TRPM3: variants seen among roughly 807,000 people sequenced by gnomAD.
TRPM3 encodes the protein transient receptor potential cation channel subfamily M member 3, also known as long transient receptor potential channel 3.
In TRPM3, 77 loss-of-function variants were observed where a neutral mutation model predicts 181.2. The ratio of observed to expected loss-of-function variants is 0.42; its 90% CI spans 0.35 to 0.51. TRPM3 has a LOEUF of 0.51. Ranked by LOEUF, TRPM3 falls within the 20% of genes least tolerant of loss-of-function variation. The pLI is 0.01. For missense variants in TRPM3, 1,759 were observed against 2,196.7 expected (o/e 0.80, Z 3.98); for synonymous variants, 745 against 796.4 (o/e 0.94, Z 1.09).
chr9:70,898,169 C>T (rs963862605), intron 1 of TRPM3, among the ~76,000 whole-genome samples: 1 of 151,306 alleles, frequency 6.6e-6, no homozygotes, highest in East Asian at 2.0e-4. Flanking sequence ...GTCGCCCAGG[C>T]TGGAGTGCAG....
At chr9:70,875,708 A>G (rs961830399) in intron 1 of TRPM3, among the ~76,000 whole-genome samples, 3 of 151,958 alleles carry the variant, frequency 2.0e-5, no homozygotes, top group Admixed American at 2.0e-4. Context: ...CATTCAGGTC[A>G]GAATATGCAG....
chr9:70,990,688 C>T (rs970059035), intron 1 of TRPM3, among the ~76,000 whole-genome samples: 23 of 152,038 alleles, frequency 1.5e-4, no homozygotes, highest in African/African-American at 5.6e-4. Flanking sequence ...AGTGCACACA[C>T]AGGACTGCAC....
chr9:70,898,121 T>G lies in TRPM3; in HGVS notation c.178-33610A>C, dbSNP rs534103498. 2.1e-4 allele frequency among the ~76,000 whole-genome samples: 32 copies of G among 149,128 alleles called. 1 individual carries two copies. The East Asian group carries it at 5.4e-3, about 25-fold the overall frequency. On this transcript the variant is annotated intron_variant, in intron 1 of 25. Coordinates refer to ENST00000677713, the MANE Select transcript of TRPM3 (RefSeq NM_001366145.2). ...AAGCAGCTCACTCACAATAAATTGT[T>G]TTTTTTTTTTGGTGGCTGGGGGACG...
At chr9:70,890,205 C>T (rs2096175836) in intron 1 of TRPM3, among the ~76,000 whole-genome samples, 1 of 150,664 alleles carries the variant, frequency 6.6e-6, no homozygotes, top group African/African-American at 2.4e-5. Context: ...ATTTTTAAAA[C>T]AAGAAGAGAG....
At chr9:70,878,667 G>A (rs2095918462) in intron 1 of TRPM3, among the ~76,000 whole-genome samples, 1 of 152,120 alleles carries the variant, frequency 6.6e-6, no homozygotes, top group South Asian at 2.1e-4. Context: ...TGCCATATAA[G>A]TTTCTAAATG....
In TRPM3 at chr9:71,203,555, T is replaced by C. The variant is rs536082477; in HGVS notation, c.183+243098A>G. Among the ~76,000 whole-genome samples, 8 of 152,312 alleles carry C rather than the reference T, an allele frequency of 5.3e-5. No individual in the cohort carries two copies. In the South Asian group the frequency reaches 1.7e-3, roughly 32 times the overall value. On this transcript the variant is annotated intron_variant, in intron 1 of 24. Transcript: ENST00000357533. The stretch of plus-strand genomic sequence containing the variant: ...AGAAATGATATCAGAAAGAATAACT[T>C]TGGAGACTGTCTGTGTTGAAGTCCC...
chr9:70,543,946 CTG>C (rs1564242376), intron 25 of TRPM3, among the ~76,000 whole-genome samples: 1 of 152,168 alleles, frequency 6.6e-6, no homozygotes, highest in African/African-American at 2.4e-5. Context: ...GGGACTCACT[CTG>C]TGGCAGTGGA....
intron 1 of TRPM3, among the ~76,000 whole-genome samples, chr9:70,910,202 C>G (rs568550699): frequency 1.3e-5 from 2 of 152,220 alleles, no homozygotes; most frequent in African/African-American, 4.8e-5. Flanking sequence ...CAATGGAATA[C>G]TATGTAGCAG....
chr9:70,839,978 G>A (rs2094541820), intron 5 of TRPM3, among the ~76,000 whole-genome samples: 1 of 152,268 alleles, frequency 6.6e-6, no homozygotes, highest in Non-Finnish European at 1.5e-5. Context: ...GACTGTGTAA[G>A]AAGCTTACCA....
At chr9:71,221,234 G>T (rs565162649) in intron 1 of TRPM3, among the ~76,000 whole-genome samples, 1 of 152,266 alleles carries the variant, frequency 6.6e-6, no homozygotes, top group South Asian at 2.1e-4. Context: ...TGTTCATTAG[G>T]TATTACCTAC....
At chr9:70,877,804 A>AACACACACACACACAC (rs5898169) in intron 1 of TRPM3, among the ~76,000 whole-genome samples, 14,451 of 146,084 alleles carry the variant, frequency 0.099, 858 homozygotes, top group African/African-American at 0.15. Context: ...AAAATCATAA[A>AACACACACACACACAC]ACACACACAC....
intron 1 of TRPM3, among the ~76,000 whole-genome samples, chr9:70,999,283 T>C (rs1442056217): frequency 6.6e-6 from 1 of 152,180 alleles, no homozygotes; most frequent in Non-Finnish European, 1.5e-5. Context: ...ATTTCTCCAG[T>C]CTGGTGAATG....
chr9:71,067,224 ATTTTT>A (rs11142682), intron 1 of TRPM3, among the ~76,000 whole-genome samples: 1 of 150,518 alleles, frequency 6.6e-6, no homozygotes, highest in African/African-American at 2.4e-5. Flanking sequence ...TTTTCAAAGA[ATTTTT>A]TTTTTTAACT....
chr9:70,556,159 C>T (rs17055304), intron 22 of TRPM3, among the ~76,000 whole-genome samples: 3,274 of 152,056 alleles, frequency 0.022, 64 homozygotes, highest in South Asian at 0.073. Context: ...CAACATATTT[C>T]CAGGTCTCTG....
intron 22 of TRPM3, among the ~76,000 whole-genome samples, chr9:70,558,415 G>C (rs2048263333): frequency 6.6e-6 from 1 of 152,186 alleles, no homozygotes. Context: ...TCATTGCTGA[G>C]AGACTGCATT....
chr9:70,933,942 A>C (rs940546344), intron 1 of TRPM3, among the ~76,000 whole-genome samples: 2 of 152,094 alleles, frequency 1.3e-5, no homozygotes, highest in Non-Finnish European at 2.9e-5. Context: ...GGAGCAAAGG[A>C]AGGCAGGGTT....
intron 21 of TRPM3, among the ~76,000 whole-genome samples, chr9:70,592,559 T>C (rs558799270): frequency 2.3e-4 from 35 of 152,254 alleles, no homozygotes; most frequent in African/African-American, 8.2e-4. Flanking sequence ...CCTTCTAGGC[T>C]TAAGCTAGTT....
At chr9:71,127,404 A>C (rs1325962458) in intron 1 of TRPM3, among the ~76,000 whole-genome samples, 1 of 151,996 alleles carries the variant, frequency 6.6e-6, no homozygotes, top group Middle Eastern at 3.2e-3. Context: ...TGGAAAGCTC[A>C]TGCTTGTTTC....
intron 1 of TRPM3, among the ~76,000 whole-genome samples, chr9:70,950,543 T>G (rs1203508363): frequency 6.6e-6 from 1 of 152,220 alleles, no homozygotes; most frequent in Non-Finnish European, 1.5e-5. Flanking sequence ...TCCTAGTGAA[T>G]CTTTTGGGAA....
Sources: gnomAD v4.1 joint callset for allele counts (sites outside exome capture counted in the v4.1 genomes callset) on GRCh38, gnomAD v4.1.1 for gene constraint, MANE v1.5 for transcripts, NCBI Gene and HGNC (gene_info 2026-07-23, HGNC 2026-07-21) for gene names.